Variants in CDH12 observed in about 807,000 individuals in gnomAD.
CDH12 encodes cadherin 12, also known as cadherin-12.
CDH12 carries 41 observed loss-of-function variants against 74.1 expected under a neutral mutation model. The observed-to-expected ratio is 0.55, with a 90% CI of 0.43 to 0.72. The LOEUF is 0.72. CDH12 is among the 30% of genes least tolerant of loss of function. CDH12 has a pLI of 0.00. For missense variants in CDH12, 945 were observed against 977.2 expected, an observed-to-expected ratio of 0.97 and a Z score of 0.44; for synonymous variants, 399 against 355.0, an observed-to-expected ratio of 1.12 and a Z score of -1.39.
chr5:22,738,760 T>C (rs1415234260), intron 1 of CDH12, among the ~76,000 whole-genome samples: 1 of 152,034 alleles, frequency 6.6e-6, no homozygotes, highest in Non-Finnish European at 1.5e-5. Flanking sequence ...CATAGGGACT[T>C]ATATTAATAT....
At chr5:21,804,329 C>T (rs1747306143) in intron 9 of CDH12, among the ~76,000 whole-genome samples, 1 of 151,946 alleles carries the variant, frequency 6.6e-6, no homozygotes, top group Admixed American at 6.6e-5. Context: ...CAGTGATGTT[C>T]CTTTGATCAG....
chr5:22,284,648 C>A (rs559234266), intron 3 of CDH12, among the ~76,000 whole-genome samples: 15 of 152,032 alleles, frequency 9.9e-5, no homozygotes, highest in Non-Finnish European at 1.3e-4. Context: ...AATTACATTC[C>A]AAAAGTTTTG....
intron 6 of CDH12, among the ~76,000 whole-genome samples, chr5:21,873,874 G>GGTATTTGGTTTTCTGCTCCTGC (rs146258055): frequency 1 from 151,278 of 151,624 alleles, 75,466 homozygotes; most frequent in Middle Eastern, 1. Flanking sequence ...GAGAACATGC[G>GGTATTTGGTTTTCTGCTCCTGC]GTTACTTTTC....
chr5:22,784,044 T>C (rs2126357959), intron 1 of CDH12, among the ~76,000 whole-genome samples: 1 of 152,196 alleles, frequency 6.6e-6, no homozygotes, highest in South Asian at 2.1e-4. Context: ...GCAGTCCTGA[T>C]TATTTTTCTC....
chr5:22,507,900 G>T (rs1191660219), intron 1 of CDH12, among the ~76,000 whole-genome samples: 3 of 152,140 alleles, frequency 2.0e-5, no homozygotes, highest in Non-Finnish European at 4.4e-5. Context: ...CCAGCTTCTG[G>T]TGACTGCCAT....
chr5:22,749,993 C>T (rs913056269), intron 1 of CDH12, among the ~76,000 whole-genome samples: 1 of 152,200 alleles, frequency 6.6e-6, no homozygotes, highest in African/African-American at 2.4e-5. Flanking sequence ...ACCACCTATT[C>T]CTTAACCGTT....
intron 5 of CDH12, among the ~76,000 whole-genome samples, chr5:21,978,030 A>G (rs1454568961): frequency 6.6e-6 from 1 of 152,238 alleles, no homozygotes; most frequent in Non-Finnish European, 1.5e-5. Context: ...TAAATAAATG[A>G]CATTGGCTCT....
At chr5:22,249,750 G>C (rs551468755) in intron 3 of CDH12, among the ~76,000 whole-genome samples, 3 of 152,228 alleles carry the variant, frequency 2.0e-5, no homozygotes, top group South Asian at 4.1e-4. Flanking sequence ...ATTACTGTTC[G>C]TTACTAAGGT....
At chr5:22,815,307 T>G (rs1048793349) in intron 1 of CDH12, among the ~76,000 whole-genome samples, 1 of 152,206 alleles carries the variant, frequency 6.6e-6, no homozygotes, top group South Asian at 2.1e-4. Context: ...CCTATACTCG[T>G]ATCTATTACC....
chr5:22,517,043 T>A (rs1034969962), intron 1 of CDH12, among the ~76,000 whole-genome samples: 13 of 151,964 alleles, frequency 8.6e-5, no homozygotes, highest in African/African-American at 1.7e-4. Context: ...TAAAATTTTT[T>A]AAAAAATAGC....
chr5:21,978,597 G>T (rs1187560781), intron 5 of CDH12, among the ~76,000 whole-genome samples: 2 of 151,910 alleles, frequency 1.3e-5, no homozygotes, highest in African/African-American at 2.4e-5. Context: ...AATGAGTCAA[G>T]ATTTTTAAAA....
intron 6 of CDH12, among the ~76,000 whole-genome samples, chr5:21,910,528 G>C (rs1753817316): frequency 6.6e-6 from 1 of 152,096 alleles, no homozygotes; most frequent in Non-Finnish European, 1.5e-5. Flanking sequence ...ACCAGAAATG[G>C]TTTGGCATGG....
At position 22,457,989 on chromosome 5, in the gene CDH12, C is replaced by T. The variant is rs961969486; in HGVS notation, c.-428+47281G>A. On this transcript the variant is annotated intron_variant, in intron 2 of 14. Transcript: ENST00000382254. Reference sequence around the variant, plus strand: ...CGAACTCCTGACCTCATGATCCACCCGCCTCGGCCTCCCAAAGTGCTGGGA... The same window carrying T: ...CGAACTCCTGACCTCATGATCCACCTGCCTCGGCCTCCCAAAGTGCTGGGA... Among the ~76,000 whole-genome samples the T allele has an allele frequency of 2.6e-5, 4 of 152,090 alleles. No individual in the cohort carries two copies. In the South Asian group the frequency reaches 6.2e-4, roughly 24 times the overall value.
intron 4 of CDH12, among the ~76,000 whole-genome samples, chr5:22,127,268 A>T (rs4301200): frequency 0.12 from 17,995 of 152,036 alleles, 1,181 homozygotes; most frequent in South Asian, 0.16. Context: ...CCGAGAGGTC[A>T]GGAGTTCAAG....
intron 8 of CDH12, among the ~76,000 whole-genome samples, chr5:21,838,826 G>A (rs1206146384): frequency 6.6e-6 from 1 of 152,076 alleles, no homozygotes; most frequent in Non-Finnish European, 1.5e-5. Flanking sequence ...ATGCCCCTTT[G>A]CCCAGGCTAT....
At chr5:21,981,323 A>G (rs889141288) in intron 5 of CDH12, among the ~76,000 whole-genome samples, 1 of 152,022 alleles carries the variant, frequency 6.6e-6, no homozygotes, top group African/African-American at 2.4e-5. Flanking sequence ...AATTCATAAT[A>G]AAAGTATATA....
intron 6 of CDH12, chr5:21,889,869 G>A (rs2150042919): frequency 1.0e-6 from 1 of 985,048 alleles, no homozygotes; most frequent in South Asian, 4.7e-5. Flanking sequence ...AGAGGGCAGA[G>A]CTGCTTTTCT....
At chr5:22,399,018 T>A (rs956226075) in intron 3 of CDH12, among the ~76,000 whole-genome samples, 3 of 151,812 alleles carry the variant, frequency 2.0e-5, no homozygotes, top group Non-Finnish European at 4.4e-5. Flanking sequence ...TAAAAAGAGG[T>A]TTTTTGTTTT....
intron 1 of CDH12, among the ~76,000 whole-genome samples, chr5:22,585,919 G>A (rs1346200417): frequency 2.0e-5 from 3 of 152,104 alleles, no homozygotes; most frequent in Admixed American, 2.0e-4. Context: ...AACCATTGTG[G>A]AAGACAGTGT....
Sources: gnomAD v4.1 joint callset for allele counts (sites outside exome capture counted in the v4.1 genomes callset) on GRCh38, gnomAD v4.1.1 for gene constraint, MANE v1.5 for transcripts, NCBI Gene and HGNC (gene_info 2026-07-23, HGNC 2026-07-21) for gene names.